IL5RA: variants seen among roughly 807,000 people sequenced by gnomAD.
IL5RA encodes the protein interleukin-5 receptor subunit alpha.
IL5RA carries 49 observed loss-of-function variants against 50.0 expected under a neutral mutation model. The ratio of observed to expected loss-of-function variants is 0.98; its 90% CI spans 0.78 to 1.24. The LOEUF is 1.24. IL5RA is among the 50% of genes most tolerant of loss of function. The pLI, the probability that IL5RA is intolerant of heterozygous loss-of-function variation, is 0.00. For missense variants in IL5RA, 600 were observed against 500.4 expected, an observed-to-expected ratio of 1.20 and a Z score of -1.90; for synonymous variants, 202 against 174.0, an observed-to-expected ratio of 1.16 and a Z score of -1.26.
At position 3,084,488 on chromosome 3, in the gene IL5RA, T is replaced by C. The variant is rs567579523; in HGVS notation, c.994+7736A>G. Among the ~76,000 whole-genome samples the C allele has an allele frequency of 3.6e-4, 55 of 152,344 alleles. 1 individual carries two copies. The highest frequency in any genetic ancestry group is 2.5e-3 in the Admixed American group (39 of 15,306). The stretch of plus-strand genomic sequence containing the variant: ...CATTAAGATGAATCTTATGAAGAAC[T>C]TGGACAGGAACATTTAGACAAGAAT... On this transcript the variant is annotated intron_variant, in intron 9 of 11. Coordinates refer to ENST00000446632, the MANE Select transcript of IL5RA (RefSeq NM_175726.4).
At chr3:3,084,335 A>C (rs1702775751) in intron 9 of IL5RA, among the ~76,000 whole-genome samples, 1 of 152,216 alleles carries the variant, frequency 6.6e-6, no homozygotes. Context: ...GTGCTATCAG[A>C]ATTCTAAAAA....
rs751775976 is a variant in IL5RA at position 3,070,197 on chromosome 3, A to T, written c.*28T>A. On this transcript the variant is annotated 3_prime_UTR_variant, in exon 12 of 12. Coordinates refer to ENST00000446632, the MANE Select transcript of IL5RA (RefSeq NM_175726.4). ...TCACTGAGGCACTGAGGCATGTGTG[A>T]GTTCATCAGAGGATGCCAAAGTGAC... The T allele has an allele frequency of 4.1e-6, 6 of 1,446,808 alleles. No homozygotes were observed. In the African/African-American group the frequency reaches 5.6e-5, roughly 14 times the overall value. 89.6% of individuals were successfully genotyped at this position (1,446,808 alleles called of 1,614,324 possible).
intron 3 of IL5RA, among the ~76,000 whole-genome samples, chr3:3,104,475 A>G (rs534613375): frequency 6.6e-6 from 1 of 152,342 alleles, no homozygotes; most frequent in East Asian, 1.9e-4. Context: ...TCTGTTGACA[A>G]TGCTAGACTG....
In IL5RA at chr3:3,092,216, C is replaced by G. The variant is rs760512510; in HGVS notation, c.994+8G>C. 6 of 1,610,668 alleles carry G rather than the reference C, an allele frequency of 3.7e-6. No individual in the cohort carries two copies. The Admixed American group carries it at 8.4e-5, about 23-fold the overall frequency. On this transcript the variant is annotated splice_region_variant and intron_variant, in intron 9 of 11. Transcript: ENST00000446632. The surrounding 1 kb of genome is among the most constrained non-coding windows in gnomAD (Gnocchi z 4.2). Reference sequence around the variant, plus strand: ...GCTGCCAATGTAAAATAAACATAAGCTACTTACCCACATAAATAGGTTGGC... The same window carrying G: ...GCTGCCAATGTAAAATAAACATAAGGTACTTACCCACATAAATAGGTTGGC...
intron 9 of IL5RA, among the ~76,000 whole-genome samples, chr3:3,089,621 T>C (rs1450659350): frequency 6.6e-6 from 1 of 151,978 alleles, no homozygotes; most frequent in Non-Finnish European, 1.5e-5. Context: ...TCACCCATAA[T>C]CACAAAGGTT....
At chr3:3,102,492 G>A (rs1304329931) in intron 4 of IL5RA, among the ~76,000 whole-genome samples, 183 bp downstream of exon 4, 5 of 152,160 alleles carry the variant, frequency 3.3e-5, no homozygotes, top group Non-Finnish European at 5.9e-5. Flanking sequence ...GCTGTTTAAC[G>A]CTGAACAATA....
At chr3:3,106,904 T>G (rs369871711) in intron 2 of IL5RA, among the ~76,000 whole-genome samples, 16 of 152,278 alleles carry the variant, frequency 1.1e-4, no homozygotes, top group East Asian at 9.6e-4. Flanking sequence ...ATAAATGTAC[T>G]TGTAAAAGCA....
intron 11 of IL5RA, 26 bp from the exon 12 acceptor site, chr3:3,070,337 G>C: frequency 6.6e-7 from 1 of 1,521,586 alleles, no homozygotes; most frequent in Non-Finnish European, 9.1e-7. Flanking sequence ...TCTTTCCTTA[G>C]ATGTCTTTTA....
In IL5RA at chr3:3,092,512, T is replaced by C; in HGVS notation, c.856-150A>G. On this transcript the variant is annotated intron_variant, in intron 8 of 11. Coordinates refer to ENST00000446632, the MANE Select transcript of IL5RA (RefSeq NM_175726.4). This position sits in a 1 kb window ranked among gnomAD's most constrained non-coding sequence, Gnocchi z 4.2. ...AGGGCACACATTAATTCGTTTATGC[T>C]AGGTGCGTTAGTGTGGATGTGTTGG... 1 of 716,182 alleles carries C rather than the reference T, an allele frequency of 1.4e-6. No individual in the cohort carries two copies. Among genetic ancestry groups the C allele is most frequent in the Non-Finnish European group, 2.3e-6 (1 of 427,508 alleles). The allele number at this position is 716,182 out of a possible 1,614,324, so 44.4% of individuals were successfully genotyped here. A position where few individuals can be genotyped will look rare whatever the true frequency, so the allele number is the denominator to read the frequency against.
Position 3,102,804 on chromosome 3 carries a change from A to C in IL5RA, c.99T>G (p.Pro33=). The change falls in exon 4 of 12, where the codon CCT becomes CCG. Residue 33 remains proline (P), a synonymous_variant. Coordinates refer to ENST00000446632, the MANE Select transcript of IL5RA (RefSeq NM_175726.4). Reference sequence around the variant, plus strand: ...CAGTAACTTTAATGGTGAAATTGACAGGTGGGAGAAGTGAAACTGTTGATT... The same window carrying C: ...CAGTAACTTTAATGGTGAAATTGACCGGTGGGAGAAGTGAAACTGTTGATT... ...LPDEKISLLP[P]VNFTIKVTGL... 1 of 1,606,360 alleles carries C rather than the reference A, an allele frequency of 6.2e-7. No homozygotes were observed. Among genetic ancestry groups the C allele is most frequent in the East Asian group, 2.2e-5 (1 of 44,734 alleles).
chr3:3,094,185 A>T (rs1257447686), intron 8 of IL5RA, among the ~76,000 whole-genome samples: 1 of 152,220 alleles, frequency 6.6e-6, no homozygotes, highest in Non-Finnish European at 1.5e-5. Flanking sequence ...GATATTAAAT[A>T]GTTTCACATT....
rs535312687 is a variant in IL5RA at position 3,092,654 on chromosome 3, T to C, written c.856-292A>G. 3.2e-4 allele frequency among the ~76,000 whole-genome samples: 48 copies of C among 152,298 alleles called. No homozygotes were observed. The highest frequency in any genetic ancestry group is 1.1e-3 in the African/African-American group (46 of 41,548). ...ATGTTTCCAGACTGAAAGACTGGAGTGGCCTATGCTAGAATGCATTATTCC... is the reference window on the plus strand; with the variant it reads ...ATGTTTCCAGACTGAAAGACTGGAGCGGCCTATGCTAGAATGCATTATTCC... On this transcript the variant is annotated intron_variant, in intron 8 of 11. Transcript: ENST00000446632. This position sits in a 1 kb window ranked among gnomAD's most constrained non-coding sequence, Gnocchi z 4.2.
chr3:3,101,889 T>C (rs1482377044), intron 4 of IL5RA, 59 bp from the exon 5 acceptor site: 13 of 1,448,936 alleles, frequency 9.0e-6, no homozygotes, highest in Non-Finnish European at 1.1e-5. Flanking sequence ...AAGAGAGCTA[T>C]TTTAATCAAA....
intron 9 of IL5RA, among the ~76,000 whole-genome samples, chr3:3,077,173 A>G (rs998403027): frequency 2.0e-5 from 3 of 152,198 alleles, no homozygotes; most frequent in Non-Finnish European, 4.4e-5. Context: ...CATTATTCCC[A>G]TTTTACAGAC....
intron 9 of IL5RA, among the ~76,000 whole-genome samples, chr3:3,085,438 A>G (rs17880984): frequency 6.6e-5 from 10 of 152,284 alleles, no homozygotes; most frequent in Admixed American, 5.2e-4. Context: ...TTAACAAGAA[A>G]AAGCTGCTGA....
rs553929743 is a variant in IL5RA, at chr3:3,101,849, A to G, written c.229-19T>C. ...TTTCATACTAAAAATAAAACCCACAAGTCATGATACATAAAAGAGAACTAG... is the reference window on the plus strand; with the variant it reads ...TTTCATACTAAAAATAAAACCCACAGGTCATGATACATAAAAGAGAACTAG... On this transcript the variant is annotated intron_variant, in intron 4 of 11. Transcript: ENST00000446632. 15 of 1,608,786 alleles carry G rather than the reference A, an allele frequency of 9.3e-6. No homozygotes were observed. The Admixed American group carries it at 2.4e-4, about 25-fold the overall frequency.
intron 9 of IL5RA, chr3:3,090,268 A>G (rs997804522): frequency 1.9e-6 from 3 of 1,567,004 alleles, no homozygotes; most frequent in Non-Finnish European, 2.6e-6. Flanking sequence ...TAGGAAACAG[A>G]GAGAAATTAT....
intron 7 of IL5RA, 116 bp downstream of exon 7, chr3:3,097,754 C>G: frequency 8.8e-7 from 1 of 1,138,744 alleles, no homozygotes; most frequent in Non-Finnish European, 1.2e-6. Flanking sequence ...AAACATGGGT[C>G]TGATGCTTAC....
At chr3:3,077,563 G>A (rs1702530329) in intron 9 of IL5RA, among the ~76,000 whole-genome samples, 1 of 152,206 alleles carries the variant, frequency 6.6e-6, no homozygotes, top group South Asian at 2.1e-4. Context: ...GAGGCCAGGA[G>A]TTTGAAACCA....
Sources: allele counts gnomAD v4.1 joint callset (sites outside exome capture counted in the v4.1 genomes callset), GRCh38; gene constraint gnomAD v4.1.1; non-coding constraint Gnocchi (gnomAD v3.1); transcripts MANE v1.5; gene names NCBI Gene and HGNC (gene_info 2026-07-23, HGNC 2026-07-21).